Variants in PACS2 observed in about 807,000 individuals in gnomAD.
PACS2 encodes the protein phosphofurin acidic cluster sorting protein 2.
A neutral mutation model predicts 113.0 loss-of-function variants in PACS2; 36 were observed. The observed-to-expected ratio is 0.32, with a 90% CI of 0.24 to 0.42. The LOEUF (loss-of-function observed/expected upper bound fraction) is 0.42. Among genes scored for constraint, PACS2 ranks in the 10% least tolerant of loss-of-function variants. The probability of loss-of-function intolerance (pLI) is 1.00; values close to 1 mark genes in which losing one functional copy is unlikely to be tolerated. For missense variants in PACS2, 1,015 were observed against 1,239.5 expected, an observed-to-expected ratio of 0.82 and a Z score of 2.72; for synonymous variants, 589 against 536.1, an observed-to-expected ratio of 1.10 and a Z score of -1.36.
Position 105,363,998 on chromosome 14 carries a change from T to C in PACS2, c.424-3215T>C, listed in dbSNP as rs145626849. Among the ~76,000 whole-genome samples, 660 of 152,304 alleles carry C rather than the reference T, an allele frequency of 4.3e-3. 6 individuals carry two copies. Among genetic ancestry groups the C allele is most frequent in the East Asian group, 0.015 (79 of 5,166 alleles). On this transcript the variant is annotated intron_variant, in intron 4 of 24. Coordinates refer to ENST00000447393, the MANE Select transcript of PACS2 (RefSeq NM_001100913.3). ...GCACACACCTACTGATTAAGTTCAC[T>C]GTCTTACATGGGTGATGTTCGTGGT...
At position 105,315,455 on chromosome 14, in the gene PACS2, G is replaced by T. The variant is rs1048064330; in HGVS notation, c.119+418G>T. The T allele has an allele frequency of 6.6e-6, 1 of 152,210 alleles. No individual in the cohort carries two copies. Among genetic ancestry groups the T allele is most frequent in the Non-Finnish European group, 1.5e-5 (1 of 68,048 alleles). The allele number at this position is 152,210 out of a possible 1,614,324, so 9.4% of individuals were successfully genotyped here. A position where few individuals can be genotyped will look rare whatever the true frequency, so the allele number is the denominator to read the frequency against. ...CACTGTCAGACCTCGGCCTGGGAGCGACCCCCGGCGCACGGGGCGCGCAGG... is the reference window on the plus strand; with the variant it reads ...CACTGTCAGACCTCGGCCTGGGAGCTACCCCCGGCGCACGGGGCGCGCAGG... On this transcript the variant is annotated intron_variant, in intron 1 of 24. Transcript: ENST00000447393. The surrounding 1 kb of genome is among the most constrained non-coding windows in gnomAD (Gnocchi z 4.4).
At position 105,348,555 on chromosome 14, in the gene PACS2, C is replaced by T. The variant is rs2060029506; in HGVS notation, c.182C>T (p.Ser61Phe). Residue 61 changes from serine (S) to phenylalanine (F), a missense_variant, in exon 2 of 25, where the codon TCC (serine) becomes TTC (phenylalanine). Transcript: ENST00000447393. The surrounding 1 kb of genome is among the most constrained non-coding windows in gnomAD (Gnocchi z 6.4). ...VFKELEKELI[S>F]VVIAVKMQGS... ...AAGGAGCTGGAGAAGGAGCTGATCT[C>T]CGTGGTGATCGCTGTCAAGATGCAG... 1.2e-6 allele frequency: 2 copies of T among 1,612,074 alleles called. No individual in the cohort carries two copies. The highest frequency in any genetic ancestry group is 1.3e-5 in the African/African-American group (1 of 74,936).
intron 3 of PACS2, among the ~76,000 whole-genome samples, chr14:105,353,413 CT>C (rs1180461399): frequency 6.4e-5 from 9 of 140,882 alleles, no homozygotes; most frequent in Admixed American, 1.4e-4. Context: ...ACGGCCCCCC[CT>C]CATCACTGTC....
intron 3 of PACS2, among the ~76,000 whole-genome samples, chr14:105,353,589 T>G (rs2060319169): frequency 6.6e-6 from 1 of 152,070 alleles, no homozygotes; most frequent in Non-Finnish European, 1.5e-5. Context: ...TTTCTTTGTT[T>G]TTTCTTTGTT....
chr14:105,316,439 C>T (rs587684120), intron 1 of PACS2, among the ~76,000 whole-genome samples: 2 of 152,342 alleles, frequency 1.3e-5, no homozygotes, highest in African/African-American at 4.8e-5. Flanking sequence ...CTGTCTGCCC[C>T]TCTGAGTCAC....
At chr14:105,391,512 T>TACC in intron 21 of PACS2, 119 bp from the exon 22 acceptor site, 16 of 611,284 alleles carry the variant, frequency 2.6e-5, no homozygotes, top group East Asian at 5.8e-5. Context: ...CACTGGGGAC[T>TACC]CCCACCCTGC....
At chr14:105,314,305 T>A (rs957419894), upstream of PACS2, 1 of 138,132 alleles carries the variant, frequency 7.2e-6, no homozygotes, top group Non-Finnish European at 1.6e-5. Context: ...CATGGCGGGG[T>A]GGAGGCGGGA....
At chr14:105,334,821 G>C (rs192430479) in intron 1 of PACS2, among the ~76,000 whole-genome samples, 30 of 152,402 alleles carry the variant, frequency 2.0e-4, no homozygotes, top group African/African-American at 5.8e-4. Context: ...TGCACTGCGG[G>C]GGGGAGCTGT....
At chr14:105,331,174 C>T (rs1350725330) in intron 1 of PACS2, among the ~76,000 whole-genome samples, 2 of 152,134 alleles carry the variant, frequency 1.3e-5, no homozygotes, top group South Asian at 2.1e-4. Flanking sequence ...AGGCTGGTCT[C>T]AAACTCCTGA....
At chr14:105,375,533 A>G (rs936923528) in intron 8 of PACS2, among the ~76,000 whole-genome samples, 1 of 152,206 alleles carries the variant, frequency 6.6e-6, no homozygotes, top group Admixed American at 6.5e-5. Context: ...ATTTCTTCAA[A>G]GACACACAAG....
chr14:105,364,459 G>A (rs1164381735), intron 4 of PACS2, among the ~76,000 whole-genome samples: 3 of 142,522 alleles, frequency 2.1e-5, no homozygotes, highest in Non-Finnish European at 3.1e-5. Context: ...GGTGCGCGGT[G>A]GGCGGCGTCC....
chr14:105,381,732 G>A (rs587614360), intron 12 of PACS2, among the ~76,000 whole-genome samples, 182 bp from the exon 13 acceptor site: 4 of 152,342 alleles, frequency 2.6e-5, no homozygotes, highest in African/African-American at 9.6e-5. Flanking sequence ...CTGCTGCTGT[G>A]GCCCTCCCAG....
At chr14:105,390,674 G>A in intron 20 of PACS2, 1 of 179,794 alleles carries the variant, frequency 5.6e-6, no homozygotes, top group Non-Finnish European at 1.2e-5. Flanking sequence ...TGGGTCTGCT[G>A]AGGGCTCTGG....
intron 1 of PACS2, among the ~76,000 whole-genome samples, chr14:105,341,292 T>G (rs1451152830): frequency 6.6e-6 from 1 of 152,238 alleles, no homozygotes; most frequent in Non-Finnish European, 1.5e-5. Flanking sequence ...GGGATTCGGA[T>G]TCAAGTCGGC....
rs2080780713 is a variant in PACS2 at position 105,376,486 on chromosome 14, T to TG, written c.802-281dup. Reference sequence around the variant, plus strand: ...TGGCCCACACCCGTCAGAGCTCACCTGCCTGCACCCAGGCCCTCCGTGCAC... The same window carrying TG: ...TGGCCCACACCCGTCAGAGCTCACCTGGCCTGCACCCAGGCCCTCCGTGCAC... On this transcript the variant is annotated intron_variant, in intron 8 of 24. Transcript: ENST00000447393. The surrounding 1 kb of genome is among the most constrained non-coding windows in gnomAD (Gnocchi z 4.7). Among the ~76,000 whole-genome samples, 1 of 152,154 alleles carries TG rather than the reference T, an allele frequency of 6.6e-6. No homozygotes were observed. Among genetic ancestry groups the TG allele is most frequent in the Non-Finnish European group, 1.5e-5 (1 of 68,016 alleles).
chr14:105,371,450 G>A (rs2061150042), intron 8 of PACS2: 2 of 152,272 alleles, frequency 1.3e-5, no homozygotes, highest in South Asian at 2.1e-4. Context: ...ATGGGCCAAC[G>A]TCACAGACGC....
At chr14:105,359,525 C>A (rs1406420912) in intron 4 of PACS2, among the ~76,000 whole-genome samples, 1 of 150,028 alleles carries the variant, frequency 6.7e-6, no homozygotes, top group Non-Finnish European at 1.5e-5. Flanking sequence ...CCAGGCTGGT[C>A]TTGAACTCCT....
intron 7 of PACS2, among the ~76,000 whole-genome samples, chr14:105,369,315 T>G (rs78667930): frequency 1.7e-3 from 259 of 152,272 alleles, no homozygotes; most frequent in African/African-American, 6.0e-3. Context: ...TGGGCCCAAC[T>G]GTTGTGAAGG....
At chr14:105,347,835 C>T (rs781931189) in intron 1 of PACS2, among the ~76,000 whole-genome samples, 1 of 152,140 alleles carries the variant, frequency 6.6e-6, no homozygotes, top group Non-Finnish European at 1.5e-5. Context: ...CGGCAGATGC[C>T]CCGGGGAGAT....
Sources: gnomAD v4.1 joint callset for allele counts (sites outside exome capture counted in the v4.1 genomes callset) on GRCh38, gnomAD v4.1.1 for gene constraint, Gnocchi (gnomAD v3.1) non-coding constraint, MANE v1.5 for transcripts, NCBI Gene and HGNC (gene_info 2026-07-23, HGNC 2026-07-21) for gene names.